Variants in ARHGEF18 observed in about 807,000 individuals in gnomAD.
ARHGEF18 encodes the protein rho guanine nucleotide exchange factor 18.
A neutral mutation model predicts 155.7 loss-of-function variants in ARHGEF18; 93 were observed. That is an observed-to-expected ratio of 0.60 (90% CI 0.50 to 0.71). The LOEUF (loss-of-function observed/expected upper bound fraction) is 0.71. Ranked by LOEUF, ARHGEF18 falls within the 30% of genes least tolerant of loss-of-function variation. ARHGEF18 has a pLI of 0.00. For synonymous variants in ARHGEF18, 742 were observed against 753.1 expected, an observed-to-expected ratio of 0.99 and a Z score of 0.24; for missense variants, 1,593 against 1,816.1, an observed-to-expected ratio of 0.88 and a Z score of 2.23.
At chr19:7,380,224 A>C (rs1432634579) in intron 7 of ARHGEF18, among the ~76,000 whole-genome samples, 1 of 151,966 alleles carries the variant, frequency 6.6e-6, no homozygotes, top group Non-Finnish European at 1.5e-5. Flanking sequence ...CACACCTGTA[A>C]TCCCAGCACT....
rs1470094904 is a variant in ARHGEF18 at position 7,470,866 on chromosome 19, A to G, written c.*568A>G. ...CCCACGCAGGTTCACCATGAACCTC[A>G]GGGTCAGGGAATGAGCCAGGCACGG... is the stretch of plus-strand genomic sequence containing the variant. On this transcript the variant is annotated 3_prime_UTR_variant, in exon 29 of 29. Coordinates refer to ENST00000668164, the MANE Select transcript of ARHGEF18 (RefSeq NM_001367823.1). This position sits in a 1 kb window ranked among gnomAD's most constrained non-coding sequence, Gnocchi z 5.9. 5.0e-6 allele frequency: 2 copies of G among 401,112 alleles called. No individual in the cohort carries two copies. Among genetic ancestry groups the G allele is most frequent in the Non-Finnish European group, 8.8e-6 (2 of 226,274 alleles). 24.8% of individuals were successfully genotyped at this position (401,112 alleles called of 1,614,324 possible).
chr19:7,350,210 G>A (rs1969122011), intron 1 of ARHGEF18, among the ~76,000 whole-genome samples: 1 of 152,212 alleles, frequency 6.6e-6, no homozygotes, highest in African/African-American at 2.4e-5. Context: ...CCCCAATGCT[G>A]CAGGGCAGGC....
chr19:7,472,921 C>T (rs1478460086), downstream of ARHGEF18: 7 of 451,348 alleles, frequency 1.6e-5, no homozygotes, highest in African/African-American at 4.0e-5. Flanking sequence ...AGGCTGGTCT[C>T]GAACTCCTGA....
chr19:7,469,877 C>A, intron 27 of ARHGEF18, 27 bp from the exon 28 acceptor site: 1 of 1,609,704 alleles, frequency 6.2e-7, no homozygotes, highest in Non-Finnish European at 8.5e-7. Flanking sequence ...CAGCCTGGAG[C>A]TGGCCCAAAT....
intron 1 of ARHGEF18, among the ~76,000 whole-genome samples, chr19:7,357,205 G>C (rs771464493): frequency 7.9e-5 from 12 of 152,198 alleles, no homozygotes; most frequent in Admixed American, 2.6e-4. Context: ...AAAGCTGCCA[G>C]TGTGGGCAGC....
At chr19:7,375,907 A>G in intron 4 of ARHGEF18, 37 bp downstream of exon 4, 1 of 1,234,136 alleles carries the variant, frequency 8.1e-7, no homozygotes, top group Non-Finnish European at 1.0e-6. Flanking sequence ...ACAATAGCAC[A>G]CTTTTGGGTT....
At chr19:7,422,716 CTTTTTTTT>C (rs67634093) in intron 10 of ARHGEF18, among the ~76,000 whole-genome samples, 1 of 111,228 alleles carries the variant, frequency 9.0e-6, no homozygotes, top group Non-Finnish European at 1.8e-5. Context: ...TCTAACTTTT[CTTTTTTTT>C]TTTTTTTTTT....
At chr19:7,416,278 C>T (rs1182815657) in intron 10 of ARHGEF18, among the ~76,000 whole-genome samples, 2 of 151,902 alleles carry the variant, frequency 1.3e-5, no homozygotes, top group Non-Finnish European at 2.9e-5. Context: ...TGGTGTCACA[C>T]ACCTGTGGTC....
At position 7,380,980 on chromosome 19, in the gene ARHGEF18, T is replaced by G; in HGVS notation, c.708T>G (p.Phe236Leu). The change falls in exon 8 of 29, where the codon TTT becomes TTG. Residue 236 changes from phenylalanine (F) to leucine (L), a missense_variant. Phe to Leu is a conservative substitution (Grantham distance 22). Coordinates refer to ENST00000668164, the MANE Select transcript of ARHGEF18 (RefSeq NM_001367823.1). ...PGGAHSNLTW[F>L]EFLSESEDGA... ...GAGCCCACTCGAACCTGACCTGGTT[T>G]GAATTCCTGTCGGAGTAAGTACACA... 8.1e-7 allele frequency: 1 copy of G among 1,232,222 alleles called. No individual in the cohort carries two copies. Among genetic ancestry groups the G allele is most frequent in the Non-Finnish European group, 1.0e-6 (1 of 988,004 alleles). 76.3% of individuals were successfully genotyped at this position (1,232,222 alleles called of 1,614,324 possible).
At chr19:7,356,721 G>A (rs1044339918) in intron 1 of ARHGEF18, among the ~76,000 whole-genome samples, 12 of 152,080 alleles carry the variant, frequency 7.9e-5, no homozygotes, top group South Asian at 4.1e-4. Flanking sequence ...TCTTGTCTCC[G>A]GCTCCCCACT....
intron 10 of ARHGEF18, among the ~76,000 whole-genome samples, chr19:7,432,444 G>A (rs949190114): frequency 6.6e-6 from 1 of 152,140 alleles, no homozygotes. Context: ...TTGAAACCGA[G>A]GTGCTTGTCT....
At chr19:7,427,906 T>C (rs1471198625) in intron 10 of ARHGEF18, among the ~76,000 whole-genome samples, 1 of 151,934 alleles carries the variant, frequency 6.6e-6, no homozygotes, top group Non-Finnish European at 1.5e-5. Flanking sequence ...ATCGTGCCAC[T>C]GTACTCCAGC....
At chr19:7,415,610 CT>C (rs1044702975) in intron 10 of ARHGEF18, among the ~76,000 whole-genome samples, 2 of 152,082 alleles carry the variant, frequency 1.3e-5, no homozygotes, top group African/African-American at 4.8e-5. Context: ...CCACCCTGCC[CT>C]TTCCTTTCTC....
downstream of ARHGEF18, chr19:7,473,080 T>A (rs1237333663): frequency 6.6e-6 from 3 of 456,276 alleles, no homozygotes; most frequent in East Asian, 2.1e-4. Flanking sequence ...TTTTTGCTTT[T>A]AATCCACAAT....
chr19:7,439,280 A>AC (rs113289764), intron 10 of ARHGEF18, among the ~76,000 whole-genome samples: 45,592 of 144,716 alleles, frequency 0.32, 7,330 homozygotes, highest in Middle Eastern at 0.52. Flanking sequence ...ACATAGTGAG[A>AC]CCCCCCCCCA....
chr19:7,426,046 G>A (rs549582855), intron 10 of ARHGEF18, among the ~76,000 whole-genome samples: 128 of 152,144 alleles, frequency 8.4e-4, no homozygotes, highest in Non-Finnish European at 1.5e-3. Flanking sequence ...AGGCTTGGTG[G>A]CACATGCCTA....
rs147326772 is a variant in ARHGEF18, at chr19:7,402,129, A to G, written c.967+18926A>G. Among the ~76,000 whole-genome samples, 577 of 152,202 alleles carry G rather than the reference A, an allele frequency of 3.8e-3. 6 individuals are homozygous for G. The highest frequency in any genetic ancestry group is 0.012 in the African/African-American group (496 of 41,540). On this transcript the variant is annotated intron_variant, in intron 10 of 28. Coordinates refer to ENST00000668164, the MANE Select transcript of ARHGEF18 (RefSeq NM_001367823.1). ...TTTGAGGTGATGAAGGCATTCTAAA[A>G]TTGACTGTAGGCTGGGCGCAGTGGC...
intron 1 of ARHGEF18, among the ~76,000 whole-genome samples, chr19:7,356,990 G>T (rs957483558): frequency 6.6e-6 from 1 of 152,280 alleles, no homozygotes; most frequent in South Asian, 2.1e-4. Flanking sequence ...GGGGTTAGGG[G>T]GAGAGAGGAT....
intron 10 of ARHGEF18, among the ~76,000 whole-genome samples, chr19:7,431,843 C>T (rs1973990930): frequency 1.3e-5 from 2 of 152,202 alleles, no homozygotes; most frequent in South Asian, 4.1e-4. Context: ...GTCCTCAGGA[C>T]ACAGCCTGGA....
Sources: gnomAD v4.1 joint callset for allele counts (sites outside exome capture counted in the v4.1 genomes callset) on GRCh38, gnomAD v4.1.1 for gene constraint, Gnocchi (gnomAD v3.1) non-coding constraint, MANE v1.5 for transcripts, NCBI Gene and HGNC (gene_info 2026-07-23, HGNC 2026-07-21) for gene names.